EHHADH: variants seen among roughly 807,000 people sequenced by gnomAD.
The protein encoded by EHHADH is peroxisomal bifunctional enzyme.
A neutral mutation model predicts 64.4 loss-of-function variants in EHHADH; 48 were observed. The ratio of observed to expected loss-of-function variants is 0.75; its 90% CI spans 0.59 to 0.95. EHHADH has a LOEUF of 0.95. Ranked by LOEUF, EHHADH falls within the 40% of genes least tolerant of loss-of-function variation. The pLI, the probability that EHHADH is intolerant of heterozygous loss-of-function variation, is 0.00. For missense variants in EHHADH, 854 were observed against 876.6 expected, an observed-to-expected ratio of 0.97 and a Z score of 0.33; for synonymous variants, 308 against 326.7, an observed-to-expected ratio of 0.94 and a Z score of 0.62.
chr3:185,240,045 G>GT (rs1419651910), intron 2 of EHHADH, among the ~76,000 whole-genome samples: 1 of 151,906 alleles, frequency 6.6e-6, no homozygotes, highest in African/African-American at 2.4e-5. Context: ...CATGGATTTT[G>GT]TTTTTTAATT....
At chr3:185,238,114 T>A (rs879480206) in intron 2 of EHHADH, among the ~76,000 whole-genome samples, 2 of 152,186 alleles carry the variant, frequency 1.3e-5, no homozygotes, top group Non-Finnish European at 2.9e-5. Flanking sequence ...TCATTCTTTT[T>A]TATGGTTGTG....
chr3:185,242,218 A>G (rs1302516952), intron 2 of EHHADH, among the ~76,000 whole-genome samples: 1 of 152,248 alleles, frequency 6.6e-6, no homozygotes, highest in Non-Finnish European at 1.5e-5. Flanking sequence ...GGTAGAATCA[A>G]TATTGTGAAA....
chr3:185,196,742 C>T (rs1241919945), intron 6 of EHHADH, among the ~76,000 whole-genome samples: 1 of 152,174 alleles, frequency 6.6e-6, no homozygotes, highest in Non-Finnish European at 1.5e-5. Flanking sequence ...TGGCTCATGC[C>T]TGTAATCCCA....
intron 6 of EHHADH, among the ~76,000 whole-genome samples, chr3:185,203,422 A>C (rs1718286180): frequency 6.6e-6 from 1 of 152,192 alleles, no homozygotes; most frequent in Non-Finnish European, 1.5e-5. Context: ...CTTTTAGTAA[A>C]CTATGGACCC....
intron 1 of EHHADH, among the ~76,000 whole-genome samples, chr3:185,251,215 T>C (rs1461192064): frequency 1.3e-5 from 2 of 152,192 alleles, no homozygotes; most frequent in Admixed American, 6.5e-5. Flanking sequence ...CTTTCCTTTT[T>C]TTTTTAGACA....
intron 4 of EHHADH, among the ~76,000 whole-genome samples, 188 bp from the exon 5 acceptor site, chr3:185,218,428 G>C (rs1232641830): frequency 6.6e-6 from 1 of 151,922 alleles, no homozygotes; most frequent in Non-Finnish European, 1.5e-5. Context: ...AGGAAACTTG[G>C]ATTCAAGCTC....
chr3:185,243,800 C>T (rs771155686), intron 2 of EHHADH, among the ~76,000 whole-genome samples: 16 of 152,114 alleles, frequency 1.1e-4, no homozygotes, highest in Non-Finnish European at 2.2e-4. Context: ...GTCCCATGCA[C>T]AAATAGAAAA....
chr3:185,252,261 G>A (rs112267367), intron 1 of EHHADH, among the ~76,000 whole-genome samples: 9,502 of 152,030 alleles, frequency 0.063, 990 homozygotes, highest in African/African-American at 0.21. Flanking sequence ...TTAGCTGGGC[G>A]TGGTGGCACG....
intron 2 of EHHADH, chr3:185,246,241 C>A: frequency 6.7e-6 from 6 of 891,826 alleles, no homozygotes; most frequent in South Asian, 1.5e-5. Flanking sequence ...TCATCTAGAT[C>A]ATCAGAAGCA....
At position 185,204,552 on chromosome 3, in the gene EHHADH, A is replaced by T; in HGVS notation, c.774T>A (p.Tyr258Ter). The T allele has an allele frequency of 6.2e-7, 1 of 1,614,216 alleles. No individual in the cohort carries two copies. The highest frequency in any genetic ancestry group is 8.5e-7 in the Non-Finnish European group (1 of 1,180,040). Residue 258 changes from tyrosine (Y) to a stop codon, truncating the protein, a stop_gained, in exon 6 of 7, where the codon TAT becomes TAA. Coordinates refer to ENST00000231887, the MANE Select transcript of EHHADH (RefSeq NM_001966.4). LOFTEE classifies it high-confidence loss of function. ...GIKKEEELFLYLLQSGQARAL... is the reference protein window; with the variant it reads ...GIKKEEELFL ...CTCTAGCCTGCCCTGATTGCAAAAGATATAGAAACAGCTCCTCCTCCTTCT... is the reference window on the plus strand; with the variant it reads ...CTCTAGCCTGCCCTGATTGCAAAAGTTATAGAAACAGCTCCTCCTCCTTCT...
intron 4 of EHHADH, among the ~76,000 whole-genome samples, chr3:185,225,792 T>C (rs1577367762): frequency 6.6e-6 from 1 of 152,224 alleles, no homozygotes; most frequent in Non-Finnish European, 1.5e-5. Context: ...CTCAGGTCTT[T>C]GTACTTGCTA....
intron 6 of EHHADH, among the ~76,000 whole-genome samples, chr3:185,197,006 A>G (rs1235409811): frequency 7.8e-6 from 1 of 128,212 alleles, no homozygotes; most frequent in Non-Finnish European, 1.6e-5. Flanking sequence ...CATCTTGAAG[A>G]AAAAAAAAAA....
chr3:185,234,778 G>T (rs1719242296), intron 3 of EHHADH, among the ~76,000 whole-genome samples: 1 of 152,190 alleles, frequency 6.6e-6, no homozygotes, highest in Non-Finnish European at 1.5e-5. Context: ...CAGAGTAGCA[G>T]GTGTTTACTT....
Position 185,254,048 on chromosome 3 carries a change from C to G in EHHADH, c.-26G>C, listed in dbSNP as rs1217905808. ...GTTTCCTCTATCACCGAGGGCACCTCTGCCTCTCGCCGTCAGGCAAACCAC... is the reference window on the plus strand; with the variant it reads ...GTTTCCTCTATCACCGAGGGCACCTGTGCCTCTCGCCGTCAGGCAAACCAC... On this transcript the variant is annotated 5_prime_UTR_variant, in exon 1 of 7. Coordinates refer to ENST00000231887, the MANE Select transcript of EHHADH (RefSeq NM_001966.4). 1.9e-6 allele frequency: 3 copies of G among 1,609,764 alleles called. No homozygotes were observed. Among genetic ancestry groups the G allele is most frequent in the Non-Finnish European group, 2.5e-6 (3 of 1,176,794 alleles).
At chr3:185,233,681 C>G (rs1401445611) in intron 3 of EHHADH, among the ~76,000 whole-genome samples, 1 of 152,194 alleles carries the variant, frequency 6.6e-6, no homozygotes, top group Non-Finnish European at 1.5e-5. Context: ...GAGACCCGCT[C>G]TGTCACCAGG....
intron 5 of EHHADH, 123 bp from the exon 6 acceptor site, chr3:185,204,880 CA>C (rs879526102): frequency 4.1e-5 from 30 of 729,456 alleles, no homozygotes; most frequent in African/African-American, 7.1e-5. Context: ...TTCATTAAGA[CA>C]TTTAATGTAC....
At chr3:185,240,664 T>C (rs760972331) in intron 2 of EHHADH, among the ~76,000 whole-genome samples, 8 of 152,088 alleles carry the variant, frequency 5.3e-5, no homozygotes, top group Non-Finnish European at 8.8e-5. Flanking sequence ...TTCTCTCTTT[T>C]TGATTAGTTT....
At position 185,235,361 on chromosome 3, in the gene EHHADH, T is replaced by A; in HGVS notation, c.280A>T (p.Ile94Phe). 1 of 1,613,990 alleles carries A rather than the reference T, an allele frequency of 6.2e-7. No individual in the cohort carries two copies. Among genetic ancestry groups the A allele is most frequent in the Non-Finnish European group, 8.5e-7 (1 of 1,179,952 alleles). ...QRNEKPVVAA[I>F]QGMAFGGGLE... ...CCCCCTCCGAAAGCCATGCCTTGGA[T>A]TGCTGCCACCACGGGCTTCTCATTT... The change falls in exon 3 of 7, where the codon ATC becomes TTC. Residue 94 changes from isoleucine (I) to phenylalanine (F), a missense_variant. By Grantham distance (21) the Ile-to-Phe change is conservative. Coordinates refer to ENST00000231887, the MANE Select transcript of EHHADH (RefSeq NM_001966.4).
Position 185,216,974 on chromosome 3 carries a change from C to T in EHHADH, c.568+1162G>A, listed in dbSNP as rs1300665089. 1.3e-5 allele frequency among the ~76,000 whole-genome samples: 2 copies of T among 152,130 alleles called. No homozygotes were observed. The highest frequency in any genetic ancestry group is 4.8e-5 in the African/African-American group (2 of 41,424). On this transcript the variant is annotated intron_variant, in intron 5 of 6. Transcript: ENST00000231887. This position sits in a 1 kb window ranked among gnomAD's most constrained non-coding sequence, Gnocchi z 5.3. The stretch of plus-strand genomic sequence containing the variant: ...AACTCTGAAAGGAACATCCCGAGTC[C>T]ATAAAGTAAGAAACCACTGAGAGAA...
Sources: allele counts gnomAD v4.1 joint callset (sites outside exome capture counted in the v4.1 genomes callset), GRCh38; gene constraint gnomAD v4.1.1; non-coding constraint Gnocchi (gnomAD v3.1); transcripts MANE v1.5; gene names NCBI Gene and HGNC (gene_info 2026-07-23, HGNC 2026-07-21).